Variants in LIG3 observed in about 807,000 individuals in gnomAD.
The protein encoded by LIG3 is DNA ligase 3.
A neutral mutation model predicts 110.9 loss-of-function variants in LIG3; 58 were observed. That is an observed-to-expected ratio of 0.52 (90% CI 0.42 to 0.65). The LOEUF is 0.65. Ranked by LOEUF, LIG3 falls within the 30% of genes least tolerant of loss-of-function variation. The pLI, the probability that LIG3 is intolerant of heterozygous loss-of-function variation, is 0.00. For synonymous variants in LIG3, 422 were observed against 472.8 expected (o/e 0.89, Z 1.39); for missense variants, 1,094 against 1,273.8 (o/e 0.86, Z 2.15).
Position 34,992,542 on chromosome 17 carries a change from C to T in LIG3, c.1305C>T (p.Pro435=). The part of the protein sequence containing the change: ...GAKHVLDALD[P]NAYEAFKASR... ...TTGGCAGGTTAGACGCCCTTGACCC[C>T]AATGCCTATGAAGCCTTCAAAGCCT... The change falls in exon 8 of 20, where the codon CCC becomes CCT. Residue 435 remains proline, a synonymous_variant. Transcript: ENST00000378526. 6.2e-7 allele frequency: 1 copy of T among 1,605,114 alleles called. No individual in the cohort carries two copies. The highest frequency in any genetic ancestry group is 8.5e-7 in the Non-Finnish European group (1 of 1,176,232).
intron 19 of LIG3, 51 bp from the exon 20 acceptor site, chr17:35,004,222 A>G (rs776167090): frequency 2.1e-5 from 29 of 1,410,372 alleles, no homozygotes; most frequent in Non-Finnish European, 2.8e-5. Flanking sequence ...GTGAAGACCC[A>G]TCTGTACCCA....
At chr17:34,997,682 T>C in intron 11 of LIG3, 56 bp from the exon 12 acceptor site, 1 of 1,289,896 alleles carries the variant, frequency 7.8e-7, no homozygotes, top group South Asian at 1.2e-5. Flanking sequence ...TTCCTCAGAA[T>C]TCCTAATAAG....
intron 13 of LIG3, 45 bp downstream of exon 13, chr17:34,998,341 C>CCT (rs1466080112): frequency 6.5e-7 from 1 of 1,538,236 alleles, no homozygotes; most frequent in South Asian, 1.2e-5. Flanking sequence ...CACTCGCAGC[C>CCT]CTCTCCCCTG....
chr17:34,989,448 CTGT>C lies in LIG3; in HGVS notation c.692-13_692-11del. 1 of 1,608,296 alleles carries C rather than the reference CTGT, an allele frequency of 6.2e-7. No homozygotes were observed. The highest frequency in any genetic ancestry group is 8.5e-7 in the Non-Finnish European group (1 of 1,175,136). ...TCAGAAAGGCAGAATGAATTCATCT[CTGT>C]TGTTTCTCCAACAGCCAAGCCCAAC... On this transcript the variant is annotated splice_polypyrimidine_tract_variant and intron_variant, in intron 3 of 19. Transcript: ENST00000378526.
rs567343129 is a variant in LIG3 at position 34,999,254 on chromosome 17, G to A, written c.2114-53G>A. 1.5e-5 allele frequency: 23 copies of A among 1,569,942 alleles called. 1 individual carries two copies. The South Asian group carries it at 1.9e-4, about 13-fold the overall frequency. ...CCTCTCCCTGGCCCTGGGCTCTTGG[G>A]ACTGGCAGAGATGGCTCCTCCAACC... On this transcript the variant is annotated intron_variant, in intron 14 of 19. Coordinates refer to ENST00000378526, the MANE Select transcript of LIG3 (RefSeq NM_013975.4).
At chr17:34,996,686 T>C (rs765744277) in intron 11 of LIG3, 33 bp downstream of exon 11, 5 of 1,556,110 alleles carry the variant, frequency 3.2e-6, no homozygotes, top group Non-Finnish European at 4.4e-6. Context: ...ACCCAGAAAC[T>C]GCCAGGAATC....
chr17:35,009,681 A>G lies in LIG3; in HGVS notation c.*5175A>G, dbSNP rs1434644706. ...AAAGATTTAAAGGCAAAATGAGTAA[A>G]CAACCTCAGTTTTAATTCTTACTGA... On this transcript the variant is annotated 3_prime_UTR_variant, in exon 20 of 20. Coordinates refer to ENST00000378526, the MANE Select transcript of LIG3 (RefSeq NM_013975.4). The G allele has an allele frequency of 3.9e-5, 6 of 152,186 alleles. No homozygotes were observed. Among genetic ancestry groups the G allele is most frequent in the Non-Finnish European group, 8.8e-5 (6 of 68,034 alleles). 9.4% of individuals were successfully genotyped at this position (152,186 alleles called of 1,614,324 possible).
intron 11 of LIG3, chr17:34,996,926 C>A: frequency 2.4e-6 from 1 of 418,792 alleles, no homozygotes; most frequent in Non-Finnish European, 4.3e-6. Context: ...GAAACCCAAA[C>A]CCCCAAAGAA....
Position 34,994,340 on chromosome 17 carries a change from TC to T in LIG3, c.1521del (p.Lys508SerfsTer48). 6.2e-7 allele frequency: 1 copy of T among 1,614,112 alleles called. No homozygotes were observed. Among genetic ancestry groups the T allele is most frequent in the Non-Finnish European group, 8.5e-7 (1 of 1,179,996 alleles). ...TGTCCCAATGGCATGTTCTCTGAGA[TC>T]AAGTACGATGGAGAGCGAGTCCAGG... ...KKCPNGMFSE[I>X]KYDGERVQVH... On this transcript the variant is annotated frameshift_variant, in exon 9 of 20. Coordinates refer to ENST00000378526, the MANE Select transcript of LIG3 (RefSeq NM_013975.4). LOFTEE classifies it high-confidence loss of function.
In LIG3 at chr17:34,983,477, G is replaced by A. The variant is rs145715449; in HGVS notation, c.472G>A (p.Glu158Lys). ...ERARATTKKIEDLTELEGWEE... is the reference protein window; with the variant it reads ...ERARATTKKIKDLTELEGWEE... ...GGCCCGGGCCACCACAAAAAAAATC[G>A]AGGACCTCACAGAGCTGGAAGGCTG... The change falls in exon 2 of 20, where the codon GAG (glutamate) becomes AAG (lysine). Residue 158 changes from glutamate to lysine, a missense_variant. By Grantham distance (56) the Glu-to-Lys change is moderately conservative (BLOSUM62 1). Coordinates refer to ENST00000378526, the MANE Select transcript of LIG3 (RefSeq NM_013975.4). The A allele has an allele frequency of 2.5e-5, 40 of 1,613,982 alleles. No individual in the cohort carries two copies. The highest frequency in any genetic ancestry group is 3.0e-5 in the Non-Finnish European group (35 of 1,180,026).
chr17:34,994,888 G>A (rs2090762055), intron 9 of LIG3, among the ~76,000 whole-genome samples: 1 of 152,146 alleles, frequency 6.6e-6, no homozygotes, highest in African/African-American at 2.4e-5. Flanking sequence ...GGAAAAAATG[G>A]ACAAAAGTTC....
At chr17:34,990,575 C>T (rs548658327) in intron 4 of LIG3, among the ~76,000 whole-genome samples, 10 of 151,962 alleles carry the variant, frequency 6.6e-5, no homozygotes, top group African/African-American at 2.2e-4. Context: ...CCACCATGCG[C>T]GGTCTGAGTT....
rs533364054 is a variant in LIG3 at position 34,992,730 on chromosome 17, C to T, written c.1455+38C>T. The T allele has an allele frequency of 2.8e-4, 428 of 1,522,534 alleles. 3 individuals are homozygous for T. The South Asian group carries it at 5.1e-3, about 18-fold the overall frequency. The allele number at this position is 1,522,534 out of a possible 1,614,324, so 94.3% of individuals were successfully genotyped here. A position where few individuals can be genotyped will look rare whatever the true frequency, so the allele number is the denominator to read the frequency against. The stretch of plus-strand genomic sequence containing the variant: ...CCCCTGCCTCTGCTTTCCAGCCTCT[C>T]CAAGCTCCACATCCTTTGGGCTGAG... On this transcript the variant is annotated intron_variant, in intron 8 of 19. Transcript: ENST00000378526.
chr17:34,991,151 G>T (rs1430565652), intron 5 of LIG3, 37 bp downstream of exon 5: 1 of 1,603,586 alleles, frequency 6.2e-7, no homozygotes, highest in South Asian at 1.1e-5. Flanking sequence ...CTACATTCCA[G>T]GTGGGGTTTT....
chr17:35,005,596 A>G lies in LIG3; in HGVS notation c.*1090A>G, dbSNP rs780415157. 1.7e-6 allele frequency: 1 copy of G among 579,280 alleles called. No individual in the cohort carries two copies. The highest frequency in any genetic ancestry group is 1.9e-5 in the Admixed American group (1 of 53,062). The allele number at this position is 579,280 out of a possible 1,614,324, so 35.9% of individuals were successfully genotyped here. On this transcript the variant is annotated 3_prime_UTR_variant, in exon 20 of 20. Coordinates refer to ENST00000378526, the MANE Select transcript of LIG3 (RefSeq NM_013975.4). ...TACAATGGGAGGTTTAGGTTTCATA[A>G]TGCTGGACCAGTCGAATGCACCAAA...
chr17:35,000,696 G>T (rs1275607979), intron 16 of LIG3, among the ~76,000 whole-genome samples: 1 of 139,578 alleles, frequency 7.2e-6, no homozygotes, highest in African/African-American at 2.7e-5. Flanking sequence ...TCTCACTGCA[G>T]CCTCCGCCTC....
rs1196549946 is a variant in LIG3 at position 35,005,352 on chromosome 17, A to G, written c.*846A>G. ...TTAGTGCTCGAGTGTTCCAACCTGA[A>G]GTTGAAGAAGCCACCCTGGCTGCAC... is the stretch of plus-strand genomic sequence containing the variant. On this transcript the variant is annotated 3_prime_UTR_variant, in exon 20 of 20. Coordinates refer to ENST00000378526, the MANE Select transcript of LIG3 (RefSeq NM_013975.4). 1 of 555,732 alleles carries G rather than the reference A, an allele frequency of 1.8e-6. No individual in the cohort carries two copies. Among genetic ancestry groups the G allele is most frequent in the South Asian group, 1.4e-5 (1 of 72,656 alleles). 34.4% of individuals were successfully genotyped at this position (555,732 alleles called of 1,614,324 possible). A position where few individuals can be genotyped will look rare whatever the true frequency, so the allele number is the denominator to read the frequency against.
intron 19 of LIG3, chr17:35,003,319 A>G: frequency 1.8e-6 from 1 of 541,658 alleles, no homozygotes; most frequent in Non-Finnish European, 3.0e-6. Flanking sequence ...TTTTTTTTTG[A>G]GATAAGTCTC....
chr17:34,994,677 C>A (rs956918176), intron 9 of LIG3, among the ~76,000 whole-genome samples: 2 of 152,210 alleles, frequency 1.3e-5, no homozygotes, highest in African/African-American at 4.8e-5. Context: ...AGTGATACTT[C>A]TTTTGCCCAC....
Sources: gnomAD v4.1 joint callset for allele counts (sites outside exome capture counted in the v4.1 genomes callset) on GRCh38, gnomAD v4.1.1 for gene constraint, MANE v1.5 for transcripts, NCBI Gene and HGNC (gene_info 2026-07-23, HGNC 2026-07-21) for gene names.